The following GATAD1 variants were observed in gnomAD, a reference collection of about 807,000 sequenced individuals.
GATAD1 encodes the protein GATA zinc finger domain-containing protein 1.
A neutral mutation model predicts 26.5 loss-of-function variants in GATAD1; 12 were observed. That is an observed-to-expected ratio of 0.45 (90% CI 0.29 to 0.73). The LOEUF is 0.73. Among genes scored for constraint, GATAD1 ranks in the 30% least tolerant of loss-of-function variants. The pLI is 0.10. For missense variants in GATAD1, 266 were observed against 342.1 expected, an observed-to-expected ratio of 0.78 and a Z score of 1.75; for synonymous variants, 129 against 133.1, an observed-to-expected ratio of 0.97 and a Z score of 0.21.
the GATAD1 span, chr7:92,469,004 A>G: frequency 2.3e-4 from 172 of 749,256 alleles, 3 homozygotes; most frequent in African/African-American, 2.6e-3. Flanking sequence ...AGGAGTAGCA[A>G]TATTATAGCT....
At chr7:92,469,997 CAT>C in the GATAD1 span, 2 of 777,926 alleles carry the variant, frequency 2.6e-6, no homozygotes, top group Non-Finnish European at 4.8e-6. Context: ...ACTTCTTTTA[CAT>C]GTTTTTCTCT....
the GATAD1 span, among the ~76,000 whole-genome samples, chr7:92,482,941 C>T: frequency 3.9e-5 from 6 of 152,014 alleles, no homozygotes; most frequent in Non-Finnish European, 8.8e-5. Context: ...GTGGGTAGCC[C>T]CTGTATCGAT....
chr7:92,479,103 C>T, the GATAD1 span, among the ~76,000 whole-genome samples: 2 of 152,224 alleles, frequency 1.3e-5, no homozygotes, highest in African/African-American at 2.4e-5. Flanking sequence ...GAGCCCCCTC[C>T]CTCTGTGTCT....
intron 3 of GATAD1, among the ~76,000 whole-genome samples, chr7:92,451,006 G>A (rs1789406263): frequency 6.6e-6 from 1 of 152,168 alleles, no homozygotes; most frequent in East Asian, 1.9e-4. Context: ...TTTTTTTTTA[G>A]TGTAGATTGT....
the GATAD1 span, chr7:92,494,422 A>G: frequency 2.5e-6 from 4 of 1,611,196 alleles, no homozygotes; most frequent in Non-Finnish European, 3.4e-6. Flanking sequence ...ACATTTTTTT[A>G]CCAAAATCTG....
At chr7:92,480,090 G>A in the GATAD1 span, among the ~76,000 whole-genome samples, 3 of 152,104 alleles carry the variant, frequency 2.0e-5, no homozygotes, top group African/African-American at 7.2e-5. Context: ...CTTTCCTGAA[G>A]ATTGAGGACA....
At chr7:92,474,661 A>T in the GATAD1 span, 13 of 152,340 alleles carry the variant, frequency 8.5e-5, no homozygotes, top group East Asian at 3.9e-4. Flanking sequence ...GGCTGCAGTT[A>T]TGGTGGCACT....
At position 92,460,003 on chromosome 7, in the gene GATAD1, A is replaced by G. The variant is rs778889970; in HGVS notation, c.*3441A>G. 2.0e-5 allele frequency among the ~76,000 whole-genome samples: 3 copies of G among 152,244 alleles called. No homozygotes were observed. The highest frequency in any genetic ancestry group is 2.1e-4 in the South Asian group (1 of 4,838). Reference sequence around the variant, plus strand: ...TGTTTTTAAGATTGTTTTAAACAAGATGTTTTTAAGATGAGTTTTAAATAG... The same window carrying G: ...TGTTTTTAAGATTGTTTTAAACAAGGTGTTTTTAAGATGAGTTTTAAATAG... On this transcript the variant is annotated 3_prime_UTR_variant, in exon 5 of 5. Transcript: ENST00000287957.
At chr7:92,482,282 C>T in the GATAD1 span, among the ~76,000 whole-genome samples, 7 of 152,028 alleles carry the variant, frequency 4.6e-5, no homozygotes, top group Admixed American at 3.3e-4. Context: ...AGATCAAGAA[C>T]GGAATAGTGA....
rs1365526931 is a variant in GATAD1 at position 92,458,382 on chromosome 7, A to C, written c.*1820A>C. Reference sequence around the variant, plus strand: ...TTAAAACGAATATTGGGAGGTCATGAAAGTCATTGGTAGGCCATTAGCATT... The same window carrying C: ...TTAAAACGAATATTGGGAGGTCATGCAAGTCATTGGTAGGCCATTAGCATT... On this transcript the variant is annotated 3_prime_UTR_variant, in exon 5 of 5. Transcript: ENST00000287957. The C allele has an allele frequency of 6.6e-6, 1 of 152,210 alleles. No homozygotes were observed. The highest frequency in any genetic ancestry group is 1.5e-5 in the Non-Finnish European group (1 of 68,044). 9.4% of individuals were successfully genotyped at this position (152,210 alleles called of 1,614,324 possible).
In GATAD1 at chr7:92,450,651, G is replaced by A. The variant is rs774855382; in HGVS notation, c.376-50G>A. 5.6e-5 allele frequency: 70 copies of A among 1,245,708 alleles called. No homozygotes were observed. In the South Asian group the frequency reaches 8.0e-4, roughly 14 times the overall value. The allele number at this position is 1,245,708 out of a possible 1,614,324, so 77.2% of individuals were successfully genotyped here. On this transcript the variant is annotated intron_variant, in intron 2 of 4. Coordinates refer to ENST00000287957, the MANE Select transcript of GATAD1 (RefSeq NM_021167.5). Reference sequence around the variant, plus strand: ...CTCTCATAGGGCTGGGAAAATGCCTGTAGACACATACATACTATGAATGTG... The same window carrying A: ...CTCTCATAGGGCTGGGAAAATGCCTATAGACACATACATACTATGAATGTG...
chr7:92,448,092 G>T, intron 1 of GATAD1, 114 bp downstream of exon 1: 2 of 744,422 alleles, frequency 2.7e-6, no homozygotes, highest in Non-Finnish European at 3.6e-6. Flanking sequence ...TGCTCCTGCT[G>T]GCTGGAACGC....
chr7:92,449,038 C>A, intron 2 of GATAD1, 161 bp downstream of exon 2: 1 of 1,019,656 alleles, frequency 9.8e-7, no homozygotes, highest in Non-Finnish European at 1.4e-6. Flanking sequence ...AGCTCTGTTG[C>A]AGGAGGCTCA....
At position 92,459,260 on chromosome 7, in the gene GATAD1, C is replaced by A. The variant is rs1475651059; in HGVS notation, c.*2698C>A. 1 of 151,004 alleles carries A rather than the reference C, an allele frequency of 6.6e-6. No homozygotes were observed. Among genetic ancestry groups the A allele is most frequent in the African/African-American group, 2.4e-5 (1 of 41,110 alleles). 9.4% of individuals were successfully genotyped at this position (151,004 alleles called of 1,614,324 possible). ...AAAAAAGATTTTGGAGTAGATTCATCATTAATAAGTAACAGATTTTAGGAA... is the reference window on the plus strand; with the variant it reads ...AAAAAAGATTTTGGAGTAGATTCATAATTAATAAGTAACAGATTTTAGGAA... On this transcript the variant is annotated 3_prime_UTR_variant, in exon 5 of 5. Coordinates refer to ENST00000287957, the MANE Select transcript of GATAD1 (RefSeq NM_021167.5).
rs188250836 is a variant in GATAD1, at chr7:92,458,686, T to C, written c.*2124T>C. On this transcript the variant is annotated 3_prime_UTR_variant, in exon 5 of 5. Coordinates refer to ENST00000287957, the MANE Select transcript of GATAD1 (RefSeq NM_021167.5). ...CTCTTACCCTTTTTCCACATAGTTA[T>C]GGTGTTTGAGTTGGAAAGAAACAAC... 3.9e-5 allele frequency: 6 copies of C among 152,338 alleles called. No individual in the cohort carries two copies. The highest frequency in any genetic ancestry group is 1.9e-4 in the East Asian group (1 of 5,190). The allele number at this position is 152,338 out of a possible 1,614,324, so 9.4% of individuals were successfully genotyped here. A position where few individuals can be genotyped will look rare whatever the true frequency, so the allele number is the denominator to read the frequency against.
At chr7:92,494,690 C>T in the GATAD1 span, 1 of 1,328,418 alleles carries the variant, frequency 7.5e-7, no homozygotes, top group Non-Finnish European at 1.1e-6. Context: ...AAAGTGATTT[C>T]ATATACATAT....
chr7:92,447,725 C>T lies in GATAD1; in HGVS notation c.-5C>T. On this transcript the variant is annotated 5_prime_UTR_variant, in exon 1 of 5. Coordinates refer to ENST00000287957, the MANE Select transcript of GATAD1 (RefSeq NM_021167.5). Reference sequence around the variant, plus strand: ...CGCCCGCGGGGGCCGCCCGAGCCGGCCACCATGCCGCTGGGCCTGAAGCCC... The same window carrying T: ...CGCCCGCGGGGGCCGCCCGAGCCGGTCACCATGCCGCTGGGCCTGAAGCCC... The T allele has an allele frequency of 1.4e-6, 2 of 1,464,974 alleles. No homozygotes were observed. Among genetic ancestry groups the T allele is most frequent in the Admixed American group, 2.7e-5 (1 of 36,976 alleles). 90.7% of individuals were successfully genotyped at this position (1,464,974 alleles called of 1,614,324 possible). A position where few individuals can be genotyped will look rare whatever the true frequency, so the allele number is the denominator to read the frequency against.
the GATAD1 span, among the ~76,000 whole-genome samples, chr7:92,475,611 C>T: frequency 1.3e-5 from 2 of 150,876 alleles, no homozygotes; most frequent in Non-Finnish European, 2.9e-5. Context: ...CCATGGACCT[C>T]TGTTTATCGG....
Position 92,447,961 on chromosome 7 carries a change from G to A in GATAD1, c.232G>A (p.Gly78Ser). 2 of 1,223,906 alleles carry A rather than the reference G, an allele frequency of 1.6e-6. No homozygotes were observed. The highest frequency in any genetic ancestry group is 3.1e-5 in the African/African-American group (2 of 63,722). 75.8% of individuals were successfully genotyped at this position (1,223,906 alleles called of 1,614,324 possible). ...CGCCACCCCTCCGCAGAGCAACGGG[G>A]GCGGGGGCGGCAAGCAGGTGAGCTC... ...TSATPPQSNG[G>S]GGGKQSKQEI... Residue 78 changes from glycine (G) to serine (S), a missense_variant, in exon 1 of 5, where the codon GGC (glycine) becomes AGC (serine). Physicochemically the swap from Gly to Ser is moderately conservative, Grantham distance 56. Coordinates refer to ENST00000287957, the MANE Select transcript of GATAD1 (RefSeq NM_021167.5).
Sources: allele counts gnomAD v4.1 joint callset (sites outside exome capture counted in the v4.1 genomes callset), GRCh38; gene constraint gnomAD v4.1.1; transcripts MANE v1.5; gene names NCBI Gene and HGNC (gene_info 2026-07-23, HGNC 2026-07-21).